The following DLGAP1 variants were observed in gnomAD, a reference collection of about 807,000 sequenced individuals.
DLGAP1 encodes disks large-associated protein 1.
In DLGAP1, 11 loss-of-function variants were observed where a neutral mutation model predicts 90.8. The ratio of observed to expected loss-of-function variants is 0.12; its 90% CI spans 0.08 to 0.20. DLGAP1 has a LOEUF of 0.20. DLGAP1 is among the 10% of genes least tolerant of loss of function. The pLI is 1.00. For missense variants in DLGAP1, 1,050 were observed against 1,333.8 expected (o/e 0.79, Z 3.31); for synonymous variants, 558 against 540.7 (o/e 1.03, Z -0.44).
intron 2 of DLGAP1, among the ~76,000 whole-genome samples, chr18:4,086,174 G>A (rs1426134479): frequency 6.6e-6 from 1 of 152,102 alleles, no homozygotes; most frequent in Non-Finnish European, 1.5e-5. Context: ...GACGGGAGTG[G>A]GGTGATGAAG....
At chr18:3,793,422 T>C (rs1271666497) in intron 5 of DLGAP1, among the ~76,000 whole-genome samples, 8 of 152,336 alleles carry the variant, frequency 5.3e-5, no homozygotes, top group African/African-American at 1.4e-4. Context: ...TTTGAAGTGC[T>C]GCTCCTCCAC....
intron 7 of DLGAP1, among the ~76,000 whole-genome samples, chr18:3,609,494 C>A (rs1189550667): frequency 2.6e-5 from 4 of 152,196 alleles, no homozygotes; most frequent in Non-Finnish European, 5.9e-5. Flanking sequence ...CTTCCACACG[C>A]TAGAAAAGGC....
chr18:4,454,203 C>T lies in DLGAP1; in HGVS notation c.-267+803G>A, dbSNP rs2083909100. On this transcript the variant is annotated intron_variant, in intron 1 of 12. Coordinates refer to ENST00000315677, the MANE Select transcript of DLGAP1 (RefSeq NM_004746.4). The surrounding 1 kb of genome is among the most constrained non-coding windows in gnomAD (Gnocchi z 4.7). ...CGCGGGCCCTCCGAAGGTGCCTCTCCCAGCTGCAGCCGCCCCTCAATGAAA... is the reference window on the plus strand; with the variant it reads ...CGCGGGCCCTCCGAAGGTGCCTCTCTCAGCTGCAGCCGCCCCTCAATGAAA... Among the ~76,000 whole-genome samples, 2 of 152,204 alleles carry T rather than the reference C, an allele frequency of 1.3e-5. No homozygotes were observed. Among genetic ancestry groups the T allele is most frequent in the African/African-American group, 2.4e-5 (1 of 41,458 alleles).
intron 1 of DLGAP1, among the ~76,000 whole-genome samples, chr18:4,205,649 T>A (rs1598617712): frequency 6.6e-6 from 1 of 152,234 alleles, no homozygotes; most frequent in East Asian, 1.9e-4. Flanking sequence ...TGAGCCACCA[T>A]GCCCAGCCTT....
intron 9 of DLGAP1, among the ~76,000 whole-genome samples, chr18:3,539,874 G>A (rs1330021035): frequency 1.3e-5 from 2 of 151,596 alleles, no homozygotes; most frequent in South Asian, 2.1e-4. Flanking sequence ...TCTGCTTAGC[G>A]TCTTTATCCC....
intron 1 of DLGAP1, among the ~76,000 whole-genome samples, chr18:4,438,297 A>G (rs1000822324): frequency 1.3e-5 from 2 of 152,062 alleles, no homozygotes; most frequent in Non-Finnish European, 1.5e-5. Flanking sequence ...TGGGTCCTAC[A>G]TTATTTTAAC....
At chr18:4,360,512 T>C (rs1055324766) in intron 1 of DLGAP1, among the ~76,000 whole-genome samples, 3 of 152,220 alleles carry the variant, frequency 2.0e-5, no homozygotes, top group African/African-American at 7.2e-5. Flanking sequence ...TGAAATATTT[T>C]CACACACATA....
At chr18:4,418,863 CAA>C (rs71160964) in intron 1 of DLGAP1, among the ~76,000 whole-genome samples, 1 of 150,898 alleles carries the variant, frequency 6.6e-6, no homozygotes, top group Admixed American at 6.6e-5. Context: ...AAAAACAAAA[CAA>C]AAAAAAAACC....
intron 1 of DLGAP1, among the ~76,000 whole-genome samples, chr18:4,442,983 A>G (rs1325592974): frequency 6.6e-6 from 1 of 152,224 alleles, no homozygotes; most frequent in Admixed American, 6.5e-5. Context: ...TTGAACAAAT[A>G]AGTGAAGGAA....
chr18:4,003,721 A>G (rs1568345723), intron 3 of DLGAP1, among the ~76,000 whole-genome samples: 2 of 152,100 alleles, frequency 1.3e-5, no homozygotes, highest in African/African-American at 4.8e-5. Flanking sequence ...GATGTAAGAG[A>G]TAGGGAGCAG....
intron 7 of DLGAP1, 41 bp from the exon 8 acceptor site, chr18:3,582,289 G>A (rs1357927927): frequency 2.5e-6 from 4 of 1,578,468 alleles, no homozygotes; most frequent in Non-Finnish European, 3.4e-6. Context: ...ATTTCTGCGT[G>A]GGTTTTAATT....
Position 4,045,035 on chromosome 18 carries a change from TA to T in DLGAP1, c.-158-39835del, listed in dbSNP as rs556758621. ...ACAATGTCAATCAGAGATGAGTAAC[TA>T]AAGACAAGTTATAATCATAATTAAC... is the stretch of plus-strand genomic sequence containing the variant. On this transcript the variant is annotated intron_variant, in intron 2 of 12. Coordinates refer to ENST00000315677, the MANE Select transcript of DLGAP1 (RefSeq NM_004746.4). Among the ~76,000 whole-genome samples the T allele has an allele frequency of 1.8e-4, 27 of 152,110 alleles. 1 individual carries two copies. The East Asian group carries it at 5.2e-3, about 30-fold the overall frequency.
intron 8 of DLGAP1, among the ~76,000 whole-genome samples, chr18:3,578,702 G>C (rs1371231345): frequency 6.6e-6 from 1 of 151,026 alleles, no homozygotes; most frequent in Non-Finnish European, 1.5e-5. Flanking sequence ...AGTATAATGT[G>C]ATCATGTTAG....
intron 7 of DLGAP1, among the ~76,000 whole-genome samples, chr18:3,602,249 C>G (rs2057080519): frequency 6.6e-6 from 1 of 152,032 alleles, no homozygotes; most frequent in Non-Finnish European, 1.5e-5. Context: ...TACCACATTT[C>G]CCACCCACCA....
intron 4 of DLGAP1, among the ~76,000 whole-genome samples, chr18:3,852,146 A>T (rs2069377098): frequency 6.6e-6 from 1 of 152,210 alleles, no homozygotes; most frequent in Admixed American, 6.5e-5. Flanking sequence ...ATAATTCAAT[A>T]AAACTTTTCT....
chr18:3,857,621 G>A (rs561187363), intron 4 of DLGAP1, among the ~76,000 whole-genome samples: 109 of 151,970 alleles, frequency 7.2e-4, no homozygotes, highest in Non-Finnish European at 1.3e-3. Context: ...AATCCTCTTC[G>A]TCTCCCTTTA....
At chr18:3,932,492 G>T (rs534121625) in intron 3 of DLGAP1, among the ~76,000 whole-genome samples, 37 of 152,236 alleles carry the variant, frequency 2.4e-4, no homozygotes, top group Non-Finnish European at 4.0e-4. Context: ...ATACCCTTGC[G>T]GGGGAGCCTA....
intron 1 of DLGAP1, among the ~76,000 whole-genome samples, chr18:4,402,871 C>T (rs1415588173): frequency 6.6e-6 from 1 of 152,136 alleles, no homozygotes; most frequent in East Asian, 1.9e-4. Flanking sequence ...ACAGGTCAAG[C>T]CAGCCTTAAT....
At chr18:3,906,548 G>A (rs1355824692) in intron 3 of DLGAP1, among the ~76,000 whole-genome samples, 4 of 152,098 alleles carry the variant, frequency 2.6e-5, no homozygotes, top group African/African-American at 9.7e-5. Flanking sequence ...ATTTATGTTA[G>A]TGTAATTTGA....
Sources: gnomAD v4.1 joint callset for allele counts (sites outside exome capture counted in the v4.1 genomes callset) on GRCh38, gnomAD v4.1.1 for gene constraint, Gnocchi (gnomAD v3.1) non-coding constraint, MANE v1.5 for transcripts, NCBI Gene and HGNC (gene_info 2026-07-23, HGNC 2026-07-21) for gene names.